ZFPM2: variants seen among roughly 807,000 people sequenced by gnomAD.
ZFPM2 encodes zinc finger protein ZFPM2.
A neutral mutation model predicts 98.6 loss-of-function variants in ZFPM2; 20 were observed. The observed-to-expected ratio is 0.20, with a 90% CI of 0.14 to 0.29. The LOEUF is 0.29. Ranked by LOEUF, ZFPM2 falls within the 10% of genes least tolerant of loss-of-function variation. ZFPM2 has a pLI of 1.00. For synonymous variants in ZFPM2, 518 were observed against 502.7 expected (o/e 1.03, Z -0.41); for missense variants, 1,310 against 1,388.6 (o/e 0.94, Z 0.90).
rs867865940 is a variant in ZFPM2 at position 105,398,085 on chromosome 8, A to T, written c.41-21059A>T. Reference sequence around the variant, plus strand: ...AATTATAACAAAAAAAGAGAAACTCAGCAAAAGTATAGGATGTAAAGTCTA... The same window carrying T: ...AATTATAACAAAAAAAGAGAAACTCTGCAAAAGTATAGGATGTAAAGTCTA... On this transcript the variant is annotated intron_variant, in intron 1 of 7. Coordinates refer to ENST00000407775, the MANE Select transcript of ZFPM2 (RefSeq NM_012082.4). Among the ~76,000 whole-genome samples the T allele has an allele frequency of 5.9e-5, 9 of 152,338 alleles. No homozygotes were observed. The South Asian group carries it at 8.3e-4, about 14-fold the overall frequency.
At chr8:105,530,756 A>G (rs1282848248) in intron 3 of ZFPM2, among the ~76,000 whole-genome samples, 2 of 152,130 alleles carry the variant, frequency 1.3e-5, no homozygotes, top group Non-Finnish European at 2.9e-5. Context: ...GCTTCAACAT[A>G]TGAATTTTGG....
chr8:105,342,599 G>T (rs1812450225), intron 1 of ZFPM2, among the ~76,000 whole-genome samples: 1 of 151,454 alleles, frequency 6.6e-6, no homozygotes. Context: ...ACAGAGAAAA[G>T]ACCAAAGAAA....
intron 1 of ZFPM2, among the ~76,000 whole-genome samples, chr8:105,321,036 C>T (rs1282236270): frequency 6.6e-6 from 1 of 152,120 alleles, no homozygotes; most frequent in African/African-American, 2.4e-5. Context: ...CAAATGTGGA[C>T]ACCCCTTCTT....
chr8:105,378,960 A>G (rs753740448), intron 1 of ZFPM2, among the ~76,000 whole-genome samples: 6 of 152,166 alleles, frequency 3.9e-5, no homozygotes, highest in Admixed American at 6.5e-5. Context: ...TAAAATTGAC[A>G]TAGATGGTTA....
intron 3 of ZFPM2, among the ~76,000 whole-genome samples, chr8:105,516,473 A>T (rs1180792899): frequency 2.0e-5 from 3 of 152,184 alleles, no homozygotes; most frequent in South Asian, 2.1e-4. Context: ...TTATCTGGAT[A>T]TACTTTTAGA....
intron 1 of ZFPM2, among the ~76,000 whole-genome samples, chr8:105,386,607 C>A (rs570967078): frequency 6.6e-6 from 1 of 152,020 alleles, no homozygotes; most frequent in East Asian, 1.9e-4. Flanking sequence ...ACAGTGTGGA[C>A]CCAAAAAGTG....
intron 1 of ZFPM2, among the ~76,000 whole-genome samples, chr8:105,336,141 C>G (rs1336989506): frequency 1.3e-5 from 2 of 151,798 alleles, no homozygotes; most frequent in African/African-American, 4.8e-5. Context: ...TTTCAGAACT[C>G]TGGAGTCTTT....
chr8:105,433,504 G>A (rs1812059346), intron 2 of ZFPM2, among the ~76,000 whole-genome samples: 1 of 152,042 alleles, frequency 6.6e-6, no homozygotes. Context: ...TATAGAAATT[G>A]CGGCTGGGCA....
At chr8:105,595,277 G>A (rs1331397450) in intron 4 of ZFPM2, among the ~76,000 whole-genome samples, 1 of 152,024 alleles carries the variant, frequency 6.6e-6, no homozygotes, top group Non-Finnish European at 1.5e-5. Context: ...GGTCACATCT[G>A]TGTCTCTAGA....
intron 1 of ZFPM2, among the ~76,000 whole-genome samples, chr8:105,324,961 T>C (rs1297657043): frequency 1.3e-5 from 2 of 151,924 alleles, no homozygotes; most frequent in Non-Finnish European, 1.5e-5. Context: ...AATGTAATCT[T>C]TGTTCACTAA....
At chr8:105,768,871 A>C (rs1812918547) in intron 5 of ZFPM2, among the ~76,000 whole-genome samples, 1 of 151,362 alleles carries the variant, frequency 6.6e-6, no homozygotes, top group African/African-American at 2.4e-5. Flanking sequence ...ATACTATATA[A>C]CCTTTGGCAC....
In ZFPM2 at chr8:105,453,435, C is replaced by T. The variant is rs1404584768; in HGVS notation, c.301+9054C>T. Among the ~76,000 whole-genome samples, 6 of 152,220 alleles carry T rather than the reference C, an allele frequency of 3.9e-5. No homozygotes were observed. The South Asian group carries it at 6.2e-4, about 16-fold the overall frequency. On this transcript the variant is annotated intron_variant, in intron 3 of 7. Coordinates refer to ENST00000407775, the MANE Select transcript of ZFPM2 (RefSeq NM_012082.4). ...GATTCAGTAATGACTTCTGTGAGGA[C>T]CAATCATTTTTAACTTAATTTGTTT...
intron 5 of ZFPM2, among the ~76,000 whole-genome samples, chr8:105,786,160 TA>T: frequency 6.6e-6 from 1 of 151,974 alleles, no homozygotes; most frequent in Admixed American, 6.6e-5. Flanking sequence ...TCCTCATTTA[TA>T]GGGCAATAAT....
chr8:105,735,970 A>T (rs1276571208), intron 5 of ZFPM2, among the ~76,000 whole-genome samples: 1 of 151,988 alleles, frequency 6.6e-6, no homozygotes, highest in East Asian at 1.9e-4. Context: ...TGGAAAGATG[A>T]TTACTCTATG....
At chr8:105,524,432 G>A (rs1479835389) in intron 3 of ZFPM2, among the ~76,000 whole-genome samples, 3 of 151,760 alleles carry the variant, frequency 2.0e-5, no homozygotes, top group Non-Finnish European at 4.4e-5. Context: ...CATGGCCCTG[G>A]CAATCATAGA....
At chr8:105,408,232 G>C (rs538874963) in intron 1 of ZFPM2, among the ~76,000 whole-genome samples, 1 of 151,778 alleles carries the variant, frequency 6.6e-6, no homozygotes, top group South Asian at 2.1e-4. Flanking sequence ...TAGCTATGTC[G>C]AGTGCCTCTG....
intron 4 of ZFPM2, among the ~76,000 whole-genome samples, chr8:105,591,652 A>G (rs980217034): frequency 6.6e-6 from 1 of 152,204 alleles, no homozygotes; most frequent in African/African-American, 2.4e-5. Flanking sequence ...AGTATGCAGC[A>G]AAAATATAGT....
intron 3 of ZFPM2, among the ~76,000 whole-genome samples, chr8:105,543,670 C>T (rs188548270): frequency 6.6e-6 from 1 of 152,124 alleles, no homozygotes; most frequent in Admixed American, 6.6e-5. Context: ...TCATCTTATC[C>T]TGTATAATTT....
chr8:105,533,703 C>T (rs1487363795), intron 3 of ZFPM2, among the ~76,000 whole-genome samples: 5 of 136,008 alleles, frequency 3.7e-5, no homozygotes, highest in African/African-American at 1.1e-4. Flanking sequence ...CCCTCCCTCC[C>T]TCCCTCCTTA....
Sources: gnomAD v4.1 joint callset for allele counts (sites outside exome capture counted in the v4.1 genomes callset) on GRCh38, gnomAD v4.1.1 for gene constraint, MANE v1.5 for transcripts, NCBI Gene and HGNC (gene_info 2026-07-23, HGNC 2026-07-21) for gene names.